Variants in ZC4H2 observed in about 807,000 individuals in gnomAD.
ZC4H2 encodes the protein zinc finger C4H2 domain-containing protein.
For missense variants in ZC4H2, 137 were observed against 173.9 expected (o/e 0.79, Z 1.19); for synonymous variants, 84 against 66.3 (o/e 1.27, Z -1.30).
chrX:65,029,904 C>CA lies in ZC4H2; in HGVS notation c.-272+4724dup, dbSNP rs34951825. On this transcript the variant is annotated intron_variant, in intron 1 of 4. Coordinates refer to the ZC4H2 transcript ENST00000337990. ...TGAGGGGAACTGGAGAAGGACTGAC[C>CA]AAAAAAAAAAAGGATTGCCAAGTAG... is the stretch of plus-strand genomic sequence containing the variant. Among the ~76,000 whole-genome samples the CA allele has an allele frequency of 2.6e-3, 247 of 94,157 alleles. 1 individual carries two copies. Among genetic ancestry groups the CA allele is most frequent in the East Asian group, 6.5e-3 (20 of 3,069 alleles). 81.8% of individuals were successfully genotyped at this position (94,157 alleles called of 115,157 possible).
chrX:64,965,633 TCATCAAC>T (rs779985366), intron 1 of ZC4H2: 24 of 252,827 alleles, frequency 9.5e-5, no homozygotes, highest in Non-Finnish European at 7.3e-6. Flanking sequence ...TTGGATTTCT[TCATCAAC>T]ATTAAAAGTT....
rs1361669364 is a variant in ZC4H2, at chrX:64,920,148, G to A, written c.331C>T (p.Leu111=). 2 of 1,209,879 alleles carry A rather than the reference G, an allele frequency of 1.7e-6. No homozygotes were observed. Among genetic ancestry groups the A allele is most frequent in the Non-Finnish European group, 2.2e-6 (2 of 895,223 alleles). The part of the protein sequence containing the change: ...YKPLKEHVDA[L]RMTLGLQRLP... ...CTCTGCAGGCCCAGAGTCATGCGCA[G>A]GGCATCCACATGTTCTTTCAGTGGC... The change falls in exon 3 of 5, where the codon CTG becomes TTG. Residue 111 remains leucine (L), a synonymous_variant. Transcript: ENST00000374839.
chrX:64,934,872 G>A (rs1019033248), intron 1 of ZC4H2, among the ~76,000 whole-genome samples: 2 of 111,764 alleles, frequency 1.8e-5, no homozygotes, highest in African/African-American at 6.5e-5. Context: ...TACACCACCA[G>A]GACCCTGGGT....
At chrX:64,933,061 C>G (rs1307445255) in intron 1 of ZC4H2, among the ~76,000 whole-genome samples, 1 of 111,471 alleles carries the variant, frequency 9.0e-6, no homozygotes, top group African/African-American at 3.3e-5. Context: ...TTATTTCATT[C>G]TTTTTTATTT....
intron 1 of ZC4H2, among the ~76,000 whole-genome samples, chrX:64,992,365 G>A (rs1265253985): frequency 1.8e-5 from 2 of 111,436 alleles, no homozygotes. Flanking sequence ...CGTCTGCTAA[G>A]ATTGTAGCTG....
At chrX:65,004,431 G>C (rs1375797098) in intron 1 of ZC4H2, among the ~76,000 whole-genome samples, 2 of 111,864 alleles carry the variant, frequency 1.8e-5, no homozygotes, top group Non-Finnish European at 3.8e-5. Context: ...TTCAACATAC[G>C]CAAATCAATA....
intron 1 of ZC4H2, among the ~76,000 whole-genome samples, chrX:64,992,529 T>C (rs1932328892): frequency 9.0e-6 from 1 of 111,471 alleles, no homozygotes; most frequent in Non-Finnish European, 1.9e-5. Context: ...ATAGCTGAAT[T>C]CCCCAAGCTT....
chrX:65,000,228 G>T (rs980368516), intron 1 of ZC4H2, among the ~76,000 whole-genome samples: 2 of 112,001 alleles, frequency 1.8e-5, no homozygotes, highest in African/African-American at 3.3e-5. Flanking sequence ...CCTCTAGGAA[G>T]AAGCTTCCAG....
rs1304512599 is a variant in ZC4H2, at chrX:64,931,777, G to A, written c.54-9789C>T. ...AACTTGTTGTGTGACCTATGATATG[G>A]TCTATCTTGGAGAATGTTCCATACA... On this transcript the variant is annotated intron_variant, in intron 1 of 4. Coordinates refer to ENST00000374839, the MANE Select transcript of ZC4H2 (RefSeq NM_018684.4). Among the ~76,000 whole-genome samples, 5 of 110,888 alleles carry A rather than the reference G, an allele frequency of 4.5e-5. No homozygotes were observed. In the Admixed American group the frequency reaches 4.8e-4, roughly 11 times the overall value.
chrX:64,944,832 T>G (rs1033873985), intron 1 of ZC4H2, among the ~76,000 whole-genome samples: 1 of 112,281 alleles, frequency 8.9e-6, no homozygotes. Context: ...AAAGTTGGTC[T>G]TCAATCTCTA....
chrX:64,980,875 AT>A (rs1284787726), upstream of ZC4H2, among the ~76,000 whole-genome samples: 1 of 111,200 alleles, frequency 9.0e-6, no homozygotes, highest in African/African-American at 3.3e-5. Flanking sequence ...AGAAAAAAAA[AT>A]AAACATAATA....
chrX:64,960,171 C>T (rs1007680588), intron 1 of ZC4H2, among the ~76,000 whole-genome samples: 2 of 110,856 alleles, frequency 1.8e-5, no homozygotes, highest in Non-Finnish European at 3.8e-5. Flanking sequence ...GAAACTCAGT[C>T]AGAGCCTGCT....
chrX:64,961,143 A>G (rs976666141), intron 1 of ZC4H2, among the ~76,000 whole-genome samples: 32 of 111,451 alleles, frequency 2.9e-4, no homozygotes, highest in Admixed American at 6.7e-4. Flanking sequence ...TTGGGTGTAT[A>G]TATATTTATA....
At chrX:64,939,811 C>T (rs1930183818) in intron 1 of ZC4H2, among the ~76,000 whole-genome samples, 1 of 111,844 alleles carries the variant, frequency 8.9e-6, no homozygotes, top group Non-Finnish European at 1.9e-5. Context: ...AAACATAACA[C>T]CTAAAATCAT....
intron 1 of ZC4H2, among the ~76,000 whole-genome samples, chrX:64,924,598 G>C (rs1287690788): frequency 1.8e-5 from 2 of 111,727 alleles, no homozygotes; most frequent in African/African-American, 6.5e-5. Context: ...GGGTAAAGGG[G>C]ACAGTCAGAG....
Position 64,917,766 on chromosome X carries a change from A to T in ZC4H2, c.*17T>A. 8.3e-7 allele frequency: 1 copy of T among 1,206,885 alleles called. No homozygotes were observed. The highest frequency in any genetic ancestry group is 1.1e-6 in the Non-Finnish European group (1 of 892,977). On this transcript the variant is annotated 3_prime_UTR_variant, in exon 5 of 5. Transcript: ENST00000374839. Reference sequence around the variant, plus strand: ...GAGGGGTTATAATTAGCAAAGCTTCATGTGCTCTCCCTTTCTTTATTCATC... The same window carrying T: ...GAGGGGTTATAATTAGCAAAGCTTCTTGTGCTCTCCCTTTCTTTATTCATC...
intron 1 of ZC4H2, among the ~76,000 whole-genome samples, chrX:65,022,425 C>G (rs1226158218): frequency 9.0e-6 from 1 of 111,594 alleles, no homozygotes; most frequent in African/African-American, 3.3e-5. Flanking sequence ...TGACAAAAAC[C>G]ACACGATTAT....
At position 64,919,029 on chromosome X, in the gene ZC4H2, C is replaced by T. The variant is rs1184105637; in HGVS notation, c.561+13G>A. ...ACTTTGCTTCCTCCACAACCATTAC[C>T]CAGCTCACTTACCTTCATAGGTGGG... On this transcript the variant is annotated intron_variant, in intron 4 of 4. Transcript: ENST00000374839. 8.7e-7 allele frequency: 1 copy of T among 1,148,324 alleles called. No individual in the cohort carries two copies. The highest frequency in any genetic ancestry group is 1.2e-6 in the Non-Finnish European group (1 of 863,579). The allele number at this position is 1,148,324 out of a possible 1,213,427, so 94.6% of individuals were successfully genotyped here.
At chrX:64,917,952 C>T (rs774127647) in intron 4 of ZC4H2, 56 bp from the exon 5 acceptor site, 1 of 1,149,265 alleles carries the variant, frequency 8.7e-7, no homozygotes, top group African/African-American at 1.8e-5. Flanking sequence ...CAGGCAACAA[C>T]TTAGACTTCT....
Sources: allele counts gnomAD v4.1 joint callset (sites outside exome capture counted in the v4.1 genomes callset), GRCh38; gene constraint gnomAD v4.1.1; transcripts MANE v1.5; gene names NCBI Gene and HGNC (gene_info 2026-07-23, HGNC 2026-07-21).